The following ESRRG variants were observed in gnomAD, a reference collection of about 807,000 sequenced individuals.
ESRRG encodes the protein estrogen related receptor gamma.
ESRRG carries 13 observed loss-of-function variants against 44.0 expected under a neutral mutation model. That is an observed-to-expected ratio of 0.30 (90% CI 0.19 to 0.47). The LOEUF (loss-of-function observed/expected upper bound fraction) is 0.47. Ranked by LOEUF, ESRRG falls within the 20% of genes least tolerant of loss-of-function variation. The probability of loss-of-function intolerance (pLI) is 1.00; values close to 1 mark genes in which losing one functional copy is unlikely to be tolerated. For synonymous variants in ESRRG, 215 were observed against 214.6 expected (o/e 1.00, Z -0.02); for missense variants, 395 against 580.6 (o/e 0.68, Z 3.29).
intron 2 of ESRRG, among the ~76,000 whole-genome samples, chr1:216,908,983 T>A (rs561095181): frequency 7.9e-4 from 119 of 150,810 alleles, no homozygotes; most frequent in African/African-American, 2.6e-3. Flanking sequence ...GGATTAAAAA[T>A]TTTTTTTTGT....
At chr1:216,698,386 G>A (rs1385239052) in intron 1 of ESRRG, among the ~76,000 whole-genome samples, 2 of 151,832 alleles carry the variant, frequency 1.3e-5, no homozygotes, top group African/African-American at 2.4e-5. Context: ...GGGCGTGGTG[G>A]GGGGCGCCTG....
At chr1:216,984,097 G>C (rs764176979) in intron 1 of ESRRG, among the ~76,000 whole-genome samples, 1 of 151,946 alleles carries the variant, frequency 6.6e-6, no homozygotes, top group Admixed American at 6.6e-5. Context: ...CAAAGAACAC[G>C]ACTACATTTA....
chr1:216,511,979 T>G (rs1000025792), intron 6 of ESRRG, among the ~76,000 whole-genome samples: 1 of 152,124 alleles, frequency 6.6e-6, no homozygotes, highest in Non-Finnish European at 1.5e-5. Flanking sequence ...AATCAAGCAT[T>G]TATACTACTT....
At chr1:216,780,035 A>C (rs1433132139) in intron 2 of ESRRG, among the ~76,000 whole-genome samples, 1 of 151,908 alleles carries the variant, frequency 6.6e-6, no homozygotes, top group African/African-American at 2.4e-5. Flanking sequence ...TCATTCAGGA[A>C]ATTTTTTAAA....
At chr1:217,126,294 A>G (rs1292841165) in intron 1 of ESRRG, among the ~76,000 whole-genome samples, 1 of 152,244 alleles carries the variant, frequency 6.6e-6, no homozygotes, top group Non-Finnish European at 1.5e-5. Context: ...TTGAAGCCTA[A>G]CAGATACTTA....
chr1:216,678,734 T>C (rs1468827406), intron 1 of ESRRG, among the ~76,000 whole-genome samples: 2 of 152,082 alleles, frequency 1.3e-5, no homozygotes, highest in Admixed American at 1.3e-4. Flanking sequence ...AAAGAAGAGG[T>C]GACAGTCAAG....
chr1:216,937,653 A>C (rs2064378633), intron 2 of ESRRG, among the ~76,000 whole-genome samples: 1 of 152,058 alleles, frequency 6.6e-6, no homozygotes, highest in Non-Finnish European at 1.5e-5. Flanking sequence ...GAAGGGGGGA[A>C]GAAAACCTCA....
intron 2 of ESRRG, among the ~76,000 whole-genome samples, chr1:216,743,153 A>G (rs1370543684): frequency 6.6e-6 from 1 of 152,202 alleles, no homozygotes; most frequent in Non-Finnish European, 1.5e-5. Context: ...TCCTCTGTAT[A>G]AAAGGTGTGC....
At chr1:217,127,633 C>T (rs2092909408) in intron 1 of ESRRG, among the ~76,000 whole-genome samples, 1 of 152,178 alleles carries the variant, frequency 6.6e-6, no homozygotes, top group Admixed American at 6.5e-5. Context: ...TTGAATCAGA[C>T]TGCCTGACTT....
At chr1:217,110,633 C>A (rs2092650907) in intron 1 of ESRRG, among the ~76,000 whole-genome samples, 2 of 152,048 alleles carry the variant, frequency 1.3e-5, no homozygotes, top group African/African-American at 4.8e-5. Context: ...CAGGAACAGG[C>A]AAGAGAGAAT....
At chr1:217,042,975 A>C (rs758120494) in intron 1 of ESRRG, among the ~76,000 whole-genome samples, 35 of 151,930 alleles carry the variant, frequency 2.3e-4, no homozygotes, top group Non-Finnish European at 3.8e-4. Flanking sequence ...ACACCTCTTT[A>C]CTCGGTGGCC....
intron 2 of ESRRG, among the ~76,000 whole-genome samples, chr1:216,664,925 C>T (rs893048292): frequency 6.6e-6 from 1 of 151,918 alleles, no homozygotes; most frequent in African/African-American, 2.4e-5. Context: ...ATTTGTACAC[C>T]CAGGTTCACT....
intron 6 of ESRRG, among the ~76,000 whole-genome samples, chr1:216,515,512 T>A (rs2043986957): frequency 6.6e-6 from 1 of 152,158 alleles, no homozygotes; most frequent in Non-Finnish European, 1.5e-5. Flanking sequence ...TCTGCATACA[T>A]AACCATTTGT....
chr1:216,874,645 T>C (rs993549917), intron 2 of ESRRG, among the ~76,000 whole-genome samples: 1 of 152,158 alleles, frequency 6.6e-6, no homozygotes, highest in African/African-American at 2.4e-5. Flanking sequence ...ATGATTAATA[T>C]TGAGTGCCAA....
intron 2 of ESRRG, among the ~76,000 whole-genome samples, chr1:216,783,124 G>T (rs1309563487): frequency 6.6e-6 from 1 of 151,742 alleles, no homozygotes; most frequent in Non-Finnish European, 1.5e-5. Flanking sequence ...TGGGGCAGGG[G>T]GATGATCCAT....
At chr1:216,821,741 TA>T (rs1266915267) in intron 2 of ESRRG, among the ~76,000 whole-genome samples, 1 of 126,598 alleles carries the variant, frequency 7.9e-6, no homozygotes, top group Admixed American at 8.0e-5. Flanking sequence ...AATAAATAAA[TA>T]AAATTTAATT....
intron 2 of ESRRG, among the ~76,000 whole-genome samples, chr1:216,890,863 C>T (rs2057690819): frequency 6.6e-6 from 1 of 152,164 alleles, no homozygotes; most frequent in Non-Finnish European, 1.5e-5. Flanking sequence ...TCTCCTATCG[C>T]ACTGTTTCTT....
At chr1:217,131,256 T>C (rs2092961699) in intron 1 of ESRRG, among the ~76,000 whole-genome samples, 1 of 152,228 alleles carries the variant, frequency 6.6e-6, no homozygotes, top group African/African-American at 2.4e-5. Flanking sequence ...AAGGCATGTT[T>C]ATCTTTTATG....
chr1:216,628,638 T>C (rs2063585121), intron 3 of ESRRG, among the ~76,000 whole-genome samples: 1 of 152,150 alleles, frequency 6.6e-6, no homozygotes, highest in South Asian at 2.1e-4. Flanking sequence ...TGACAACAAG[T>C]CTAGGCATAC....
Sources: allele counts gnomAD v4.1 joint callset (sites outside exome capture counted in the v4.1 genomes callset), GRCh38; gene constraint gnomAD v4.1.1; transcripts MANE v1.5; gene names NCBI Gene and HGNC (gene_info 2026-07-23, HGNC 2026-07-21).